Variants in TSNARE1 observed in about 807,000 individuals in gnomAD.
TSNARE1 encodes t-SNARE domain containing 1.
TSNARE1 carries 49 observed loss-of-function variants against 62.0 expected under a neutral mutation model. That is an observed-to-expected ratio of 0.79 (90% CI 0.63 to 1.00). TSNARE1 has a LOEUF of 1.00. Among genes scored for constraint, TSNARE1 ranks in the 50% least tolerant of loss-of-function variants. TSNARE1 has a pLI of 0.00. For synonymous variants in TSNARE1, 328 were observed against 294.4 expected (o/e 1.11, Z -1.17); for missense variants, 755 against 700.1 (o/e 1.08, Z -0.88).
At chr8:142,348,757 T>C (rs1046087088) in intron 2 of TSNARE1, among the ~76,000 whole-genome samples, 3 of 151,874 alleles carry the variant, frequency 2.0e-5, no homozygotes, top group Admixed American at 6.6e-5. Flanking sequence ...GACAGCTACA[T>C]GTCCTAGCTG....
chr8:142,318,567 C>T lies in TSNARE1; in HGVS notation c.961G>A (p.Glu321Lys), dbSNP rs150601268. 4.1e-5 allele frequency: 66 copies of T among 1,613,280 alleles called. No homozygotes were observed. Among genetic ancestry groups the T allele is most frequent in the Non-Finnish European group, 4.7e-5 (55 of 1,179,980 alleles). The change falls in exon 7 of 14, where the codon GAG becomes AAG. Residue 321 changes from glutamate (E) to lysine (K), a missense_variant. Glu to Lys is a moderately conservative substitution (Grantham distance 56). Transcript: ENST00000524325. ...ASASSVKQMA[E>K]LLRSSCPQER... The stretch of plus-strand genomic sequence containing the variant: ...ACCGGGCAGGAGCTGCGCAGCAGCT[C>T]GGCCATCTGCTTCACGGAGCTGGCG...
chr8:142,227,180 CCAGTG>C, intron 13 of TSNARE1, among the ~76,000 whole-genome samples: 1 of 150,762 alleles, frequency 6.6e-6, no homozygotes, highest in South Asian at 2.1e-4. Context: ...TGCCCACACC[CCAGTG>C]ACAGTGAGGA....
intron 4 of TSNARE1, among the ~76,000 whole-genome samples, chr8:142,338,107 T>C (rs1832024667): frequency 6.6e-6 from 1 of 152,198 alleles, no homozygotes; most frequent in Non-Finnish European, 1.5e-5. Flanking sequence ...CAGCAGCGCT[T>C]ATCAGGACTT....
At chr8:142,392,353 T>A (rs1345945880) in intron 1 of TSNARE1, among the ~76,000 whole-genome samples, 2 of 151,920 alleles carry the variant, frequency 1.3e-5, no homozygotes, top group Non-Finnish European at 2.9e-5. Flanking sequence ...AGGAGTACAC[T>A]CTAAAATAAC....
chr8:142,346,172 G>A (rs997377241), intron 2 of TSNARE1, among the ~76,000 whole-genome samples: 1 of 152,232 alleles, frequency 6.6e-6, no homozygotes, highest in African/African-American at 2.4e-5. Flanking sequence ...TGCAGGGGTA[G>A]CCACAGATTA....
At chr8:142,352,686 A>G (rs1403966603) in intron 2 of TSNARE1, among the ~76,000 whole-genome samples, 1 of 152,160 alleles carries the variant, frequency 6.6e-6, no homozygotes, top group Non-Finnish European at 1.5e-5. Flanking sequence ...AGCAACGCAA[A>G]TCGTCTGAGC....
rs193086061 is a variant in TSNARE1, at chr8:142,277,872, C to T, written c.1364-3009G>A. 2.9e-4 allele frequency: 287 copies of T among 985,408 alleles called. 4 individuals carry two copies. In the Admixed American group the frequency reaches 0.016, roughly 54 times the overall value. 61.0% of individuals were successfully genotyped at this position (985,408 alleles called of 1,614,324 possible). A position where few individuals can be genotyped will look rare whatever the true frequency, so the allele number is the denominator to read the frequency against. ...GGACTTGCAGAAAAGGACTAAGCAC[C>T]TGGGCCACACCAGTGCCACCCCTGC... On this transcript the variant is annotated intron_variant, in intron 11 of 13. Coordinates refer to ENST00000524325, the MANE Select transcript of TSNARE1 (RefSeq NM_145003.5).
chr8:142,365,746 TA>T (rs1375030645), intron 1 of TSNARE1, among the ~76,000 whole-genome samples: 1 of 152,212 alleles, frequency 6.6e-6, no homozygotes, highest in Admixed American at 6.5e-5. Context: ...AACTTTTCTT[TA>T]AAACTAAAAT....
chr8:142,343,358 A>T (rs953067341), intron 4 of TSNARE1, among the ~76,000 whole-genome samples: 7 of 152,030 alleles, frequency 4.6e-5, no homozygotes, highest in Non-Finnish European at 1.5e-5. Context: ...TTCTTTCATG[A>T]GTAGCACAAG....
chr8:142,304,505 G>A lies in TSNARE1; in HGVS notation c.1132-3861C>T, dbSNP rs574706796. ...CACGGTCTGACCCCTCATGTCTGCA[G>A]AGCACAGCAGCTGTGCACCTCACTC... On this transcript the variant is annotated intron_variant, in intron 9 of 13. Coordinates refer to ENST00000524325, the MANE Select transcript of TSNARE1 (RefSeq NM_145003.5). 5.8e-3 allele frequency among the ~76,000 whole-genome samples: 881 copies of A among 152,338 alleles called. 3 individuals carry two copies. The highest frequency in any genetic ancestry group is 9.9e-3 in the Non-Finnish European group (671 of 68,026).
At position 142,345,735 on chromosome 8, in the gene TSNARE1, T is replaced by C. The variant is rs200787503; in HGVS notation, c.238+8A>G. 1.1e-4 allele frequency: 175 copies of C among 1,590,188 alleles called. No individual in the cohort carries two copies. The highest frequency in any genetic ancestry group is 1.4e-4 in the Non-Finnish European group (166 of 1,167,162). On this transcript the variant is annotated splice_region_variant and intron_variant, in intron 3 of 13. Coordinates refer to ENST00000524325, the MANE Select transcript of TSNARE1 (RefSeq NM_145003.5). ...GGACCCCTGAGACCCAGCGTCTGAG[T>C]GAAGTACCTCGCTTCCTGGCCCTTG...
At chr8:142,309,402 A>G (rs1272660661) in intron 9 of TSNARE1, among the ~76,000 whole-genome samples, 1 of 152,196 alleles carries the variant, frequency 6.6e-6, no homozygotes, top group Non-Finnish European at 1.5e-5. Context: ...GTTTTTGAAG[A>G]TACCTTCTGG....
At chr8:142,343,832 A>AGGAGGAGGGGGGAGGAGGAGGGGAGG (rs1418329654) in intron 4 of TSNARE1, 134 bp downstream of exon 4, 1 of 354,878 alleles carries the variant, frequency 2.8e-6, no homozygotes, top group African/African-American at 1.2e-4. Flanking sequence ...AGGAGGGGAG[A>AGGAGGAGGGGGGAGGAGGAGGGGAGG]GGGGAAGGGG....
chr8:142,225,125 T>C (rs1336682544), intron 13 of TSNARE1, among the ~76,000 whole-genome samples: 4 of 152,004 alleles, frequency 2.6e-5, no homozygotes, highest in Non-Finnish European at 5.9e-5. Flanking sequence ...CTCCCTGCTG[T>C]CAGCCCCCGA....
intron 2 of TSNARE1, among the ~76,000 whole-genome samples, chr8:142,346,883 T>G (rs1214836680): frequency 6.6e-6 from 1 of 152,196 alleles, no homozygotes; most frequent in Non-Finnish European, 1.5e-5. Context: ...AGGGGGACCC[T>G]ACAGCCCAAC....
Position 142,354,751 on chromosome 8 carries a change from C to T in TSNARE1, c.-27G>A, listed in dbSNP as rs1302245980. The stretch of plus-strand genomic sequence containing the variant: ...TTCTTACAGATGGCAGGGCCAGCAG[C>T]CTCCACACTGAGCTGGAGGAAACAC... On this transcript the variant is annotated 5_prime_UTR_variant, in exon 2 of 14. Coordinates refer to ENST00000524325, the MANE Select transcript of TSNARE1 (RefSeq NM_145003.5). 7.0e-6 allele frequency: 11 copies of T among 1,575,336 alleles called. No homozygotes were observed. The highest frequency in any genetic ancestry group is 1.7e-4 in the Middle Eastern group (1 of 6,006).
intron 12 of TSNARE1, chr8:142,270,317 G>A: frequency 1.0e-6 from 1 of 985,404 alleles, no homozygotes; most frequent in African/African-American, 1.7e-5. Flanking sequence ...AAGCAGCGGT[G>A]CCTGCCACGC....
At chr8:142,227,138 C>T (rs1344893913) in intron 13 of TSNARE1, among the ~76,000 whole-genome samples, 1 of 151,646 alleles carries the variant, frequency 6.6e-6, no homozygotes, top group Non-Finnish European at 1.5e-5. Flanking sequence ...CCCACTGCAC[C>T]CACACCCCAG....
At chr8:142,280,982 G>A (rs1443069860) in intron 11 of TSNARE1, among the ~76,000 whole-genome samples, 1 of 152,222 alleles carries the variant, frequency 6.6e-6, no homozygotes, top group East Asian at 1.9e-4. Context: ...GGAGCAGCAG[G>A]GTGCTTGAGC....
Sources: allele counts gnomAD v4.1 joint callset (sites outside exome capture counted in the v4.1 genomes callset), GRCh38; gene constraint gnomAD v4.1.1; transcripts MANE v1.5; gene names NCBI Gene and HGNC (gene_info 2026-07-23, HGNC 2026-07-21).